The following CCDC186 variants were observed in gnomAD, a reference collection of about 807,000 sequenced individuals.
CCDC186 encodes coiled-coil domain-containing protein 186.
In CCDC186, 49 loss-of-function variants were observed where a neutral mutation model predicts 113.7. That is an observed-to-expected ratio of 0.43 (90% CI 0.34 to 0.55). The LOEUF (loss-of-function observed/expected upper bound fraction) is 0.55. Ranked by LOEUF, CCDC186 falls within the 20% of genes least tolerant of loss-of-function variation. CCDC186 has a pLI of 0.02. For missense variants in CCDC186, 890 were observed against 1,011.1 expected, an observed-to-expected ratio of 0.88 and a Z score of 1.62; for synonymous variants, 355 against 345.8, an observed-to-expected ratio of 1.03 and a Z score of -0.30.
Position 114,162,958 on chromosome 10 carries a change from T to C in CCDC186, c.311A>G (p.His104Arg), listed in dbSNP as rs1345683761. 1.2e-6 allele frequency: 2 copies of C among 1,613,504 alleles called. No individual in the cohort carries two copies. The highest frequency in any genetic ancestry group is 1.7e-5 in the Admixed American group (1 of 59,940). Residue 104 changes from histidine (H) to arginine (R), a missense_variant, in exon 2 of 16, where the codon CAT becomes CGT. Physicochemically the swap from His to Arg is conservative, Grantham distance 29. Coordinates refer to ENST00000369287, the MANE Select transcript of CCDC186 (RefSeq NM_018017.4). ...TTCTGTTTCATTTGTTTTTGAAATA[T>C]GTTTAGCAAAATTTCCACTAGGAAA... is the stretch of plus-strand genomic sequence containing the variant. ...ANFPSGNFAK[H>R]ISKTNETEQK...
chr10:114,136,218 A>C lies in CCDC186; in HGVS notation c.1355T>G (p.Leu452Arg). Residue 452 changes from leucine to arginine, a missense_variant, in exon 8 of 16, where the codon CTT becomes CGT. Transcript: ENST00000369287. ...TTTTGTGACTCTAAGCTTTGCATCAAGCTCATTTGATTTAATTTCTTCTGA... is the reference window on the plus strand; with the variant it reads ...TTTTGTGACTCTAAGCTTTGCATCACGCTCATTTGATTTAATTTCTTCTGA... Reference protein sequence around the residue: ...QESEEIKSNELDAKLRVTKGE... With the variant: ...QESEEIKSNERDAKLRVTKGE... The C allele has an allele frequency of 6.2e-7, 1 of 1,612,052 alleles. No individual in the cohort carries two copies. The highest frequency in any genetic ancestry group is 1.3e-5 in the African/African-American group (1 of 75,004).
At position 114,122,141 on chromosome 10, in the gene CCDC186, A is replaced by G. The variant is rs2030743823; in HGVS notation, c.*3002T>C. The stretch of plus-strand genomic sequence containing the variant: ...CTATTTTCATTAGACCATGAACTCC[A>G]TGAGGATGGAAATGCCCTGGTCTGC... On this transcript the variant is annotated 3_prime_UTR_variant, in exon 16 of 16. Coordinates refer to ENST00000369287, the MANE Select transcript of CCDC186 (RefSeq NM_018017.4). The G allele has an allele frequency of 1.3e-5, 2 of 152,180 alleles. No homozygotes were observed. Among genetic ancestry groups the G allele is most frequent in the Non-Finnish European group, 2.9e-5 (2 of 68,056 alleles). The allele number at this position is 152,180 out of a possible 1,614,324, so 9.4% of individuals were successfully genotyped here.
At chr10:114,155,500 C>T (rs931436436) in intron 3 of CCDC186, among the ~76,000 whole-genome samples, 2 of 152,184 alleles carry the variant, frequency 1.3e-5, no homozygotes, top group East Asian at 3.9e-4. Context: ...CATGGTGAAA[C>T]CCTGTCTCTA....
intron 6 of CCDC186, among the ~76,000 whole-genome samples, chr10:114,140,970 T>C (rs2031449537): frequency 6.6e-6 from 1 of 151,536 alleles, no homozygotes; most frequent in African/African-American, 2.4e-5. Flanking sequence ...GGCATGATCA[T>C]AGCTTCAACT....
intron 1 of CCDC186, among the ~76,000 whole-genome samples, chr10:114,166,292 C>T (rs2119819200): frequency 6.6e-6 from 1 of 152,318 alleles, no homozygotes; most frequent in South Asian, 2.1e-4. Flanking sequence ...CAAAGATTCC[C>T]CCAACTTGCG....
At chr10:114,138,231 CTT>C (rs2031341375) in intron 6 of CCDC186, among the ~76,000 whole-genome samples, 1 of 146,920 alleles carries the variant, frequency 6.8e-6, no homozygotes, top group African/African-American at 2.5e-5. Flanking sequence ...CAGAGTGAGA[CTT>C]TGTCACAAAA....
At chr10:114,138,888 T>C (rs2031368010) in intron 6 of CCDC186, among the ~76,000 whole-genome samples, 1 of 152,184 alleles carries the variant, frequency 6.6e-6, no homozygotes, top group African/African-American at 2.4e-5. Context: ...GCTTATCATG[T>C]GGATTTCAAA....
chr10:114,125,734 T>A (rs913893517), intron 15 of CCDC186, 152 bp downstream of exon 15: 11 of 624,034 alleles, frequency 1.8e-5, no homozygotes, highest in Non-Finnish European at 2.9e-5. Context: ...AAACTATACT[T>A]TTTAAAAAGA....
intron 1 of CCDC186, among the ~76,000 whole-genome samples, chr10:114,167,068 T>A (rs2032356974): frequency 6.7e-6 from 1 of 150,084 alleles, no homozygotes; most frequent in Non-Finnish European, 1.5e-5. Flanking sequence ...GTTGCCAAGC[T>A]GGAGTGCAAT....
At chr10:114,142,094 C>CA (rs913976725) in intron 6 of CCDC186, among the ~76,000 whole-genome samples, 51 of 152,206 alleles carry the variant, frequency 3.4e-4, no homozygotes, top group African/African-American at 1.2e-3. Flanking sequence ...ATAAGAAGCC[C>CA]ATTCTGGCTT....
chr10:114,127,323 A>C, intron 14 of CCDC186, 138 bp downstream of exon 14: 1 of 785,010 alleles, frequency 1.3e-6, no homozygotes. Context: ...ATAGGTGACC[A>C]TAAAAGACTG....
chr10:114,127,435 G>A (rs959777721), intron 14 of CCDC186, 26 bp downstream of exon 14: 17 of 1,596,636 alleles, frequency 1.1e-5, no homozygotes, highest in East Asian at 6.7e-5. Flanking sequence ...TTTGAAGACC[G>A]ATCATGCTAC....
At chr10:114,142,306 A>C (rs887676625) in intron 6 of CCDC186, among the ~76,000 whole-genome samples, 8 of 152,238 alleles carry the variant, frequency 5.3e-5, no homozygotes, top group Non-Finnish European at 1.2e-4. Context: ...CTGCTGGTCT[A>C]GCTTCTGGGT....
At chr10:114,157,779 T>C in intron 2 of CCDC186, 99 bp from the exon 3 acceptor site, 2 of 863,390 alleles carry the variant, frequency 2.3e-6, no homozygotes, top group Admixed American at 6.3e-5. Flanking sequence ...TACAGATATC[T>C]ATAATTATTC....
Position 114,136,262 on chromosome 10 carries a change from C to G in CCDC186, c.1327-16G>C, listed in dbSNP as rs765232250. The stretch of plus-strand genomic sequence containing the variant: ...CTTCTGACTCCTAGTGGAAAGAAAA[C>G]AAAAAAAGTGTGACAATTTTTAACC... On this transcript the variant is annotated splice_polypyrimidine_tract_variant and intron_variant, in intron 7 of 15. Coordinates refer to ENST00000369287, the MANE Select transcript of CCDC186 (RefSeq NM_018017.4). The G allele has an allele frequency of 3.6e-5, 57 of 1,583,610 alleles. No individual in the cohort carries two copies. The highest frequency in any genetic ancestry group is 2.2e-5 in the Non-Finnish European group (26 of 1,160,668).
Position 114,164,065 on chromosome 10 carries a change from AGTGTGTGT to A in CCDC186, c.-61-744_-61-737del, listed in dbSNP as rs747232906. On this transcript the variant is annotated intron_variant, in intron 1 of 15. Coordinates refer to ENST00000369287, the MANE Select transcript of CCDC186 (RefSeq NM_018017.4). ...AACTTTATTAATTTGACCAAGTTAGAGTGTGTGTGTGTGTGTGTGTGTGTGTGTGTGTG... is the reference window on the plus strand; with the variant it reads ...AACTTTATTAATTTGACCAAGTTAGAGTGTGTGTGTGTGTGTGTGTGTGTG... Among the ~76,000 whole-genome samples, 436 of 107,040 alleles carry A rather than the reference AGTGTGTGT, an allele frequency of 4.1e-3. 6 individuals carry two copies. Among genetic ancestry groups the A allele is most frequent in the African/African-American group, 0.015 (408 of 26,540 alleles). 70.2% of individuals were successfully genotyped at this position (107,040 alleles called of 152,430 possible). A position where few individuals can be genotyped will look rare whatever the true frequency, so the allele number is the denominator to read the frequency against.
intron 3 of CCDC186, among the ~76,000 whole-genome samples, chr10:114,155,932 C>A (rs1185729401): frequency 6.6e-6 from 1 of 151,972 alleles, no homozygotes; most frequent in Non-Finnish European, 1.5e-5. Context: ...TAGTGCAGAT[C>A]TAGAAATAAA....
chr10:114,154,210 C>CAAA (rs1276405190), intron 3 of CCDC186, among the ~76,000 whole-genome samples: 2 of 81,152 alleles, frequency 2.5e-5, no homozygotes, highest in Non-Finnish European at 5.3e-5. Context: ...GACCTTGTCT[C>CAAA]AAAAAAAAAA....
intron 1 of CCDC186, among the ~76,000 whole-genome samples, chr10:114,170,862 C>T (rs1193318868): frequency 4.6e-5 from 7 of 151,748 alleles, no homozygotes; most frequent in Non-Finnish European, 5.9e-5. Context: ...GCGGCAAGAC[C>T]CCCCCACCCT....
Sources: gnomAD v4.1 joint callset for allele counts (sites outside exome capture counted in the v4.1 genomes callset) on GRCh38, gnomAD v4.1.1 for gene constraint, MANE v1.5 for transcripts, NCBI Gene and HGNC (gene_info 2026-07-23, HGNC 2026-07-21) for gene names.